Variants in VPS4B observed in about 807,000 individuals in gnomAD.
VPS4B encodes vacuolar protein sorting-associated protein 4B.
VPS4B carries 23 observed loss-of-function variants against 56.1 expected under a neutral mutation model. That is an observed-to-expected ratio of 0.41 (90% CI 0.30 to 0.58). The LOEUF is 0.58. Ranked by LOEUF, VPS4B falls within the 20% of genes least tolerant of loss-of-function variation. The pLI, the probability that VPS4B is intolerant of heterozygous loss-of-function variation, is 0.29. For missense variants in VPS4B, 372 were observed against 531.9 expected, an observed-to-expected ratio of 0.70 and a Z score of 2.96; for synonymous variants, 177 against 186.0, an observed-to-expected ratio of 0.95 and a Z score of 0.39.
At chr18:63,412,010 G>A (rs1481013489) in intron 1 of VPS4B, among the ~76,000 whole-genome samples, 1 of 152,082 alleles carries the variant, frequency 6.6e-6, no homozygotes, top group African/African-American at 2.4e-5. Flanking sequence ...ATGTAAATGG[G>A]GTGAAACCTC....
chr18:63,410,138 G>T, intron 3 of VPS4B, 152 bp downstream of exon 3: 1 of 989,216 alleles, frequency 1.0e-6, no homozygotes, highest in Non-Finnish European at 1.5e-6. Context: ...GAATGGGCAC[G>T]GCTGTGTTCT....
At chr18:63,415,435 C>A in intron 1 of VPS4B, 1 of 284,012 alleles carries the variant, frequency 3.5e-6, no homozygotes, top group Non-Finnish European at 7.3e-6. Flanking sequence ...GGCATATATG[C>A]TGCTTTCTCT....
chr18:63,398,008 TG>T (rs1435447731), intron 8 of VPS4B, among the ~76,000 whole-genome samples: 1 of 152,074 alleles, frequency 6.6e-6, no homozygotes, highest in Admixed American at 6.6e-5. Flanking sequence ...GGGATAAAAG[TG>T]GCAAAAACTG....
chr18:63,413,979 T>C (rs1472161258), intron 1 of VPS4B, among the ~76,000 whole-genome samples: 1 of 152,214 alleles, frequency 6.6e-6, no homozygotes, highest in Non-Finnish European at 1.5e-5. Context: ...TTTTATCAGC[T>C]AGTATATGAA....
chr18:63,422,111 C>T, intron 1 of VPS4B, 122 bp downstream of exon 1: 1 of 1,150,006 alleles, frequency 8.7e-7, no homozygotes, highest in Non-Finnish European at 1.2e-6. Flanking sequence ...GTCCCCGGAC[C>T]CGCCCTCCTG....
At chr18:63,391,635 AGAAG>A (rs1415034689) in intron 10 of VPS4B, among the ~76,000 whole-genome samples, 2 of 152,226 alleles carry the variant, frequency 1.3e-5, no homozygotes, top group East Asian at 3.8e-4. Context: ...AATACTTATC[AGAAG>A]GACAATCCCC....
intron 7 of VPS4B, among the ~76,000 whole-genome samples, chr18:63,399,749 T>C (rs1915769214): frequency 6.6e-6 from 1 of 152,216 alleles, no homozygotes; most frequent in African/African-American, 2.4e-5. Flanking sequence ...ACAATTGGAA[T>C]GAAACATGGC....
intron 7 of VPS4B, 126 bp downstream of exon 7, chr18:63,399,922 G>C (rs1022560777): frequency 2.7e-6 from 2 of 736,474 alleles, no homozygotes; most frequent in African/African-American, 3.7e-5. Flanking sequence ...AGGAGGCTGA[G>C]GCATGAGAAT....
Position 63,408,874 on chromosome 18 carries a change from T to C in VPS4B, c.297-1375A>G, listed in dbSNP as rs567713544. 3.3e-5 allele frequency among the ~76,000 whole-genome samples: 5 copies of C among 152,290 alleles called. 1 individual carries two copies. The highest frequency in any genetic ancestry group is 1.2e-4 in the African/African-American group (5 of 41,562). On this transcript the variant is annotated intron_variant, in intron 3 of 10. Transcript: ENST00000238497. ...AGGTAATCATCTCAGAAGAGATCCTTACAGGGTTTTCAAGCAAGAGAGAAG... is the reference window on the plus strand; with the variant it reads ...AGGTAATCATCTCAGAAGAGATCCTCACAGGGTTTTCAAGCAAGAGAGAAG...
intron 4 of VPS4B, chr18:63,404,781 T>C (rs1963577505): frequency 1.3e-5 from 2 of 152,212 alleles, no homozygotes; most frequent in Non-Finnish European, 2.9e-5. Context: ...TGCTACTGAT[T>C]GTTTCTTCTT....
chr18:63,402,774 A>C (rs560746174), intron 5 of VPS4B, among the ~76,000 whole-genome samples: 1 of 152,268 alleles, frequency 6.6e-6, no homozygotes, highest in South Asian at 2.1e-4. Flanking sequence ...CATACTCCTG[A>C]AGTTGGGTAG....
At chr18:63,412,998 T>G (rs1257817081) in intron 1 of VPS4B, among the ~76,000 whole-genome samples, 1 of 152,204 alleles carries the variant, frequency 6.6e-6, no homozygotes, top group African/African-American at 2.4e-5. Context: ...ATCTATAGAC[T>G]GGGAGAAATA....
rs1427132036 is a variant in VPS4B at position 63,400,091 on chromosome 18, T to C, written c.747A>G (p.Glu249=). The change falls in exon 7 of 11, where the codon GAA becomes GAG. Residue 249 remains glutamate, a synonymous_variant. Transcript: ENST00000238497. ...LCGSRSENES[E]AARRIKTEFL... ...ACTCCGTCTTAATTCTACGTGCGGC[T>C]TCACTTTCATTTTCACTTCTTGAAC... 1 of 1,613,478 alleles carries C rather than the reference T, an allele frequency of 6.2e-7. No individual in the cohort carries two copies. Among genetic ancestry groups the C allele is most frequent in the South Asian group, 1.1e-5 (1 of 90,974 alleles).
chr18:63,422,367 G>A lies in VPS4B; in HGVS notation c.-108C>T, dbSNP rs1916327857. 8.9e-7 allele frequency: 1 copy of A among 1,127,806 alleles called. No individual in the cohort carries two copies. The highest frequency in any genetic ancestry group is 1.6e-5 in the African/African-American group (1 of 61,500). The allele number at this position is 1,127,806 out of a possible 1,614,324, so 69.9% of individuals were successfully genotyped here. On this transcript the variant is annotated 5_prime_UTR_variant, in exon 1 of 11. Transcript: ENST00000238497. Reference sequence around the variant, plus strand: ...AGCCCTCAAACTGGGGAGGCCGGTGGTTCTCGGACCGCGAAGGGCAGCCTC... The same window carrying A: ...AGCCCTCAAACTGGGGAGGCCGGTGATTCTCGGACCGCGAAGGGCAGCCTC...
chr18:63,401,014 G>C (rs2144418905), intron 5 of VPS4B, among the ~76,000 whole-genome samples: 1 of 152,370 alleles, frequency 6.6e-6, no homozygotes, highest in Middle Eastern at 3.4e-3. Flanking sequence ...GTGGAGTCTA[G>C]TAGGGGAAAA....
chr18:63,417,612 T>C (rs1004503577), intron 1 of VPS4B, among the ~76,000 whole-genome samples: 10 of 152,164 alleles, frequency 6.6e-5, no homozygotes, highest in Admixed American at 2.0e-4. Flanking sequence ...ATCAGTGACT[T>C]AAGGCTGATG....
At chr18:63,391,168 AC>A in intron 10 of VPS4B, 92 bp from the exon 11 acceptor site, 2 of 798,860 alleles carry the variant, frequency 2.5e-6, no homozygotes, top group Non-Finnish European at 4.1e-6. Context: ...ATGAACTTTA[AC>A]CTAAGTTTAA....
At chr18:63,392,757 G>T (rs1229709525) in intron 10 of VPS4B, among the ~76,000 whole-genome samples, 18 of 135,610 alleles carry the variant, frequency 1.3e-4, no homozygotes, top group African/African-American at 4.4e-4. Flanking sequence ...CCTATTTTTT[G>T]TTTTTTTTTT....
At chr18:63,421,126 C>T (rs1916290201) in intron 1 of VPS4B, among the ~76,000 whole-genome samples, 1 of 151,686 alleles carries the variant, frequency 6.6e-6, no homozygotes, top group Non-Finnish European at 1.5e-5. Context: ...GTCATTGTTG[C>T]AATTATACAA....
Sources: allele counts gnomAD v4.1 joint callset (sites outside exome capture counted in the v4.1 genomes callset), GRCh38; gene constraint gnomAD v4.1.1; transcripts MANE v1.5; gene names NCBI Gene and HGNC (gene_info 2026-07-23, HGNC 2026-07-21).